Variants in KATNIP observed in about 807,000 individuals in gnomAD.
KATNIP encodes katanin interacting protein.
A neutral mutation model predicts 174.0 loss-of-function variants in KATNIP; 126 were observed. The ratio of observed to expected loss-of-function variants is 0.72; its 90% CI spans 0.63 to 0.84. KATNIP has a LOEUF of 0.84. Ranked by LOEUF, KATNIP falls within the 40% of genes least tolerant of loss-of-function variation. The pLI is 0.00. For missense variants in KATNIP, 1,958 were observed against 2,109.7 expected (o/e 0.93, Z 1.41); for synonymous variants, 810 against 835.7 (o/e 0.97, Z 0.53).
chr16:27,666,352 C>T (rs139334345), intron 6 of KATNIP, among the ~76,000 whole-genome samples: 1 of 152,284 alleles, frequency 6.6e-6, no homozygotes, highest in East Asian at 1.9e-4. Context: ...TTCAAATTTT[C>T]CTAGCCTTAG....
Position 27,550,197 on chromosome 16 carries a change from T to G in KATNIP, c.7+20T>G. 1 of 1,606,982 alleles carries G rather than the reference T, an allele frequency of 6.2e-7. No individual in the cohort carries two copies. The highest frequency in any genetic ancestry group is 8.5e-7 in the Non-Finnish European group (1 of 1,174,972). ...TGGACGGTGAGTGTCTGTGGGCCCC[T>G]CCGGGAGGTCGGGCTGTTATTCTCC... On this transcript the variant is annotated intron_variant, in intron 1 of 27. Transcript: ENST00000261588.
intron 15 of KATNIP, among the ~76,000 whole-genome samples, chr16:27,742,983 C>T (rs1246139471): frequency 6.6e-6 from 1 of 152,132 alleles, no homozygotes; most frequent in Non-Finnish European, 1.5e-5. Flanking sequence ...CATGCATTAG[C>T]TATTTTTCCT....
At position 27,703,959 on chromosome 16, in the gene KATNIP, G is replaced by A. The variant is rs147534519; in HGVS notation, c.1350G>A (p.Arg450=). The change falls in exon 12 of 28, where the codon AGG becomes AGA. Residue 450 remains arginine (R), a synonymous_variant. Transcript: ENST00000261588. The part of the protein sequence containing the change: ...AVESDSAHLG[R]VVSPTKEQVS... ...AAAGTGACTCTGCCCATCTCGGCAG[G>A]GTGGTTTCACCAACCAAGGAGCAAG... 1.2e-6 allele frequency: 2 copies of A among 1,614,172 alleles called. No homozygotes were observed. Among genetic ancestry groups the A allele is most frequent in the East Asian group, 4.5e-5 (2 of 44,888 alleles).
intron 8 of KATNIP, among the ~76,000 whole-genome samples, chr16:27,684,395 A>G (rs188983196): frequency 5.6e-4 from 85 of 152,344 alleles, no homozygotes; most frequent in African/African-American, 1.8e-3. Context: ...CACATTAATT[A>G]CCACTTAATT....
chr16:27,759,900 C>T lies in KATNIP; in HGVS notation c.3632-1513C>T, dbSNP rs563369081. On this transcript the variant is annotated intron_variant, in intron 18 of 27. Coordinates refer to ENST00000261588, the MANE Select transcript of KATNIP (RefSeq NM_015202.5). ...GCCACTTTGCACGTGAATGATGCGG[C>T]GAGAAGCCCATGTGCAGGGTGCCGT... Among the ~76,000 whole-genome samples, 8 of 152,296 alleles carry T rather than the reference C, an allele frequency of 5.3e-5. No homozygotes were observed. The South Asian group carries it at 1.2e-3, about 24-fold the overall frequency.
intron 3 of KATNIP, 137 bp downstream of exon 3, chr16:27,618,638 A>G: frequency 1.6e-6 from 1 of 612,806 alleles, no homozygotes. Context: ...TTAGAATATT[A>G]TCTGCAACCC....
chr16:27,763,993 G>A (rs116117614), intron 19 of KATNIP, among the ~76,000 whole-genome samples: 2,660 of 152,298 alleles, frequency 0.017, 82 homozygotes, highest in African/African-American at 0.061. Context: ...AGATGGCCCT[G>A]GGGACATACA....
intron 8 of KATNIP, among the ~76,000 whole-genome samples, chr16:27,686,649 T>C (rs560588217): frequency 6.6e-6 from 1 of 152,320 alleles, no homozygotes; most frequent in South Asian, 2.1e-4. Flanking sequence ...TTTCCTGTTT[T>C]ATGTTTCTCT....
chr16:27,675,450 T>C (rs947856822), intron 6 of KATNIP, among the ~76,000 whole-genome samples: 4 of 151,922 alleles, frequency 2.6e-5, no homozygotes, highest in Admixed American at 2.6e-4. Context: ...AAAAGAAGGG[T>C]AAATAAAAGG....
chr16:27,754,416 C>T (rs1567404236), intron 18 of KATNIP, 165 bp downstream of exon 18: 1 of 624,206 alleles, frequency 1.6e-6, no homozygotes. Flanking sequence ...AGCCTGCGCT[C>T]AGCTCCCTGG....
intron 15 of KATNIP, among the ~76,000 whole-genome samples, chr16:27,745,906 C>A (rs2081275791): frequency 6.6e-6 from 1 of 151,990 alleles, no homozygotes; most frequent in African/African-American, 2.4e-5. Flanking sequence ...CCGTGGGCCC[C>A]CAGCCAGCTC....
chr16:27,733,695 G>A (rs750713719), intron 14 of KATNIP, among the ~76,000 whole-genome samples: 1 of 152,110 alleles, frequency 6.6e-6, no homozygotes, highest in African/African-American at 2.4e-5. Context: ...GAAGACAGAA[G>A]AAGGGAGAAA....
At chr16:27,707,428 G>A (rs976048244) in intron 12 of KATNIP, among the ~76,000 whole-genome samples, 10 of 152,196 alleles carry the variant, frequency 6.6e-5, no homozygotes, top group Admixed American at 5.2e-4. Flanking sequence ...CAATGAAGGA[G>A]AGAAACAGAA....
At chr16:27,586,353 A>G (rs1386716278) in intron 2 of KATNIP, among the ~76,000 whole-genome samples, 3 of 152,264 alleles carry the variant, frequency 2.0e-5, no homozygotes, top group African/African-American at 7.2e-5. Flanking sequence ...CATGCTTGCA[A>G]TCCTAGCATT....
chr16:27,682,689 G>A (rs1370425560), intron 8 of KATNIP, among the ~76,000 whole-genome samples: 1 of 152,170 alleles, frequency 6.6e-6, no homozygotes, highest in East Asian at 1.9e-4. Flanking sequence ...GGGGGCCATG[G>A]CTTATCATGT....
At chr16:27,666,837 G>A (rs1003252774) in intron 6 of KATNIP, among the ~76,000 whole-genome samples, 3 of 152,146 alleles carry the variant, frequency 2.0e-5, no homozygotes, top group Non-Finnish European at 4.4e-5. Context: ...TAGGGCACAA[G>A]CCACTTTATT....
intron 23 of KATNIP, among the ~76,000 whole-genome samples, chr16:27,774,494 C>G (rs2082421753): frequency 6.6e-6 from 1 of 152,100 alleles, no homozygotes; most frequent in African/African-American, 2.4e-5. Context: ...ATCACATTAG[C>G]TGGGTCCAGC....
chr16:27,614,045 A>G (rs2075972804), intron 2 of KATNIP, among the ~76,000 whole-genome samples: 1 of 151,502 alleles, frequency 6.6e-6, no homozygotes, highest in Non-Finnish European at 1.5e-5. Context: ...CCTCCCACAT[A>G]GCTAGGACTA....
At chr16:27,724,151 G>A (rs117579825) in intron 14 of KATNIP, among the ~76,000 whole-genome samples, 2,195 of 152,286 alleles carry the variant, frequency 0.014, 22 homozygotes, top group Non-Finnish European at 0.02. Context: ...CCTCTTGTGT[G>A]CTCAGAGGCT....
Sources: gnomAD v4.1 joint callset for allele counts (sites outside exome capture counted in the v4.1 genomes callset) on GRCh38, gnomAD v4.1.1 for gene constraint, MANE v1.5 for transcripts, NCBI Gene and HGNC (gene_info 2026-07-23, HGNC 2026-07-21) for gene names.